Variants in FAAH2 observed in about 807,000 individuals in gnomAD.
FAAH2 encodes fatty-acid amide hydrolase 2.
Under a neutral mutation model 36.9 loss-of-function variants are expected in FAAH2, and 60 were observed. The observed-to-expected ratio is 1.63, with a 90% CI of 1.32 to 2.02. The LOEUF (loss-of-function observed/expected upper bound fraction) is 2.02, where lower values mean the gene tolerates loss of function less well. Among genes scored for constraint, FAAH2 ranks in the 30% most tolerant of loss-of-function variants. The probability of loss-of-function intolerance (pLI) is 0.00; values close to 1 mark genes in which losing one functional copy is unlikely to be tolerated. For missense variants in FAAH2, 689 were observed against 397.5 expected, an observed-to-expected ratio of 1.73 and a Z score of -6.23; for synonymous variants, 214 against 143.8, an observed-to-expected ratio of 1.49 and a Z score of -3.49.
At chrX:57,143,323 G>T in the FAAH2 span, among the ~76,000 whole-genome samples, 1 of 110,403 alleles carries the variant, frequency 9.1e-6, no homozygotes, top group Non-Finnish European at 1.9e-5. Context: ...CTATTCTAAC[G>T]AATTGCTTTA....
At chrX:57,135,594 CA>C in the FAAH2 span, 1 of 653,142 alleles carries the variant, frequency 1.5e-6, no homozygotes, top group East Asian at 3.7e-5. Context: ...TTCCATGCCC[CA>C]TCTACCAAAC....
At chrX:57,438,641 T>A (rs2056471184) in intron 8 of FAAH2, among the ~76,000 whole-genome samples, 1 of 110,131 alleles carries the variant, frequency 9.1e-6, no homozygotes, top group South Asian at 3.9e-4. Context: ...AGGGTACATG[T>A]GCACAATGTG....
intron 7 of FAAH2, among the ~76,000 whole-genome samples, chrX:57,414,342 G>A (rs1165537664): frequency 2.7e-5 from 3 of 111,895 alleles, no homozygotes; most frequent in Non-Finnish European, 3.8e-5. Context: ...GTATGATATT[G>A]GCTGTGGGTT....
At chrX:57,286,111 T>A (rs1569230358), upstream of FAAH2, among the ~76,000 whole-genome samples, 1 of 111,660 alleles carries the variant, frequency 9.0e-6, no homozygotes, top group Non-Finnish European at 1.9e-5. Context: ...CTTGTTGAGT[T>A]TGAACGATCT....
At chrX:57,163,387 A>T in the FAAH2 span, among the ~76,000 whole-genome samples, 7 of 111,367 alleles carry the variant, frequency 6.3e-5, no homozygotes, top group Non-Finnish European at 1.3e-4. Flanking sequence ...GGTGGGCTCC[A>T]CCCAGTTCGA....
intron 10 of FAAH2, among the ~76,000 whole-genome samples, chrX:57,463,337 G>A (rs1348293236): frequency 9.0e-6 from 1 of 110,742 alleles, no homozygotes; most frequent in Non-Finnish European, 1.9e-5. Context: ...CAAAAAAAGA[G>A]CCCATATAGC....
the FAAH2 span, among the ~76,000 whole-genome samples, chrX:57,280,610 TAAA>T: frequency 9.6e-6 from 1 of 103,870 alleles, no homozygotes; most frequent in African/African-American, 3.5e-5. Context: ...GCTGGTGGCA[TAAA>T]ATGGCATAGC....
At chrX:57,422,511 A>C (rs1019525509) in intron 7 of FAAH2, among the ~76,000 whole-genome samples, 2 of 112,265 alleles carry the variant, frequency 1.8e-5, no homozygotes, top group Non-Finnish European at 3.8e-5. Context: ...TATGCACTGC[A>C]GAGCTGAGGA....
At chrX:57,417,560 C>A (rs1400632806) in intron 7 of FAAH2, among the ~76,000 whole-genome samples, 1 of 112,309 alleles carries the variant, frequency 8.9e-6, no homozygotes, top group Non-Finnish European at 1.9e-5. Context: ...CCAGTGGAGG[C>A]TGCAGAATAG....
the FAAH2 span, among the ~76,000 whole-genome samples, chrX:57,148,102 T>A: frequency 9.0e-6 from 1 of 111,366 alleles, no homozygotes; most frequent in Middle Eastern, 4.6e-3. Context: ...GGGGGCTCTG[T>A]TCTGTTTCAT....
At chrX:57,328,825 C>T (rs751576904) in intron 3 of FAAH2, among the ~76,000 whole-genome samples, 15 of 111,492 alleles carry the variant, frequency 1.3e-4, no homozygotes, top group African/African-American at 4.2e-4. Context: ...TTTAAAGTGG[C>T]CAAGACTCAG....
chrX:57,176,887 A>G, the FAAH2 span, among the ~76,000 whole-genome samples: 2 of 110,839 alleles, frequency 1.8e-5, no homozygotes, highest in African/African-American at 6.6e-5. Flanking sequence ...TGTTTGTGTG[A>G]TGGTTTTCTC....
intron 3 of FAAH2, among the ~76,000 whole-genome samples, chrX:57,324,920 T>G (rs758075779): frequency 8.9e-6 from 1 of 112,343 alleles, no homozygotes; most frequent in Admixed American, 9.4e-5. Context: ...CTTGTGCCAG[T>G]TTCCAAAGGG....
intron 3 of FAAH2, among the ~76,000 whole-genome samples, chrX:57,312,179 C>T (rs1240890037): frequency 5.3e-5 from 6 of 112,492 alleles, no homozygotes; most frequent in African/African-American, 1.9e-4. Context: ...GGTGCTGTCT[C>T]TTTCTGCTCT....
chrX:57,444,037 C>T (rs2056621729), intron 8 of FAAH2, among the ~76,000 whole-genome samples: 1 of 112,027 alleles, frequency 8.9e-6, no homozygotes, highest in South Asian at 3.7e-4. Context: ...AGCTGTCTCC[C>T]AGTTAGGCTA....
At chrX:57,131,337 G>T in the FAAH2 span, among the ~76,000 whole-genome samples, 2 of 109,206 alleles carry the variant, frequency 1.8e-5, no homozygotes, top group African/African-American at 6.7e-5. Flanking sequence ...CACCCGCCTC[G>T]GCCTCCCAAA....
intron 10 of FAAH2, among the ~76,000 whole-genome samples, chrX:57,476,805 C>A (rs1410118954): frequency 9.1e-6 from 1 of 109,609 alleles, no homozygotes; most frequent in Non-Finnish European, 1.9e-5. Context: ...GACTGTGAAT[C>A]TGTCTGGTCC....
chrX:57,472,419 A>G (rs890097788), intron 10 of FAAH2, among the ~76,000 whole-genome samples: 22 of 112,018 alleles, frequency 2.0e-4, no homozygotes, highest in African/African-American at 6.8e-4. Flanking sequence ...TCCATCAACA[A>G]GTGTCCTGTA....
chrX:57,349,173 ATATG>A lies in FAAH2; in HGVS notation c.742+7787_742+7790del, dbSNP rs1365247904. ...ATATATGTATAATATATACACATAT[ATATG>A]TATACATATATGTATATATACATAT... On this transcript the variant is annotated intron_variant, in intron 5 of 10. Coordinates refer to ENST00000374900, the MANE Select transcript of FAAH2 (RefSeq NM_174912.4). 4.6e-3 allele frequency among the ~76,000 whole-genome samples: 244 copies of A among 53,175 alleles called. 1 individual carries two copies. Among genetic ancestry groups the A allele is most frequent in the South Asian group, 0.011 (12 of 1,055 alleles). 46.2% of individuals were successfully genotyped at this position (53,175 alleles called of 115,157 possible). A position where few individuals can be genotyped will look rare whatever the true frequency, so the allele number is the denominator to read the frequency against.
Sources: gnomAD v4.1 joint callset for allele counts (sites outside exome capture counted in the v4.1 genomes callset) on GRCh38, gnomAD v4.1.1 for gene constraint, MANE v1.5 for transcripts, NCBI Gene and HGNC (gene_info 2026-07-23, HGNC 2026-07-21) for gene names.